The following PCDHGA5 variants were observed in gnomAD, a reference collection of about 807,000 sequenced individuals.
The protein encoded by PCDHGA5 is protocadherin gamma subfamily A, 5, also known as protocadherin gamma-A5.
A neutral mutation model predicts 56.7 loss-of-function variants in PCDHGA5; 36 were observed. That is an observed-to-expected ratio of 0.64 (90% confidence interval 0.49 to 0.84). The LOEUF (loss-of-function observed/expected upper bound fraction) is 0.84, where lower values mean the gene tolerates loss of function less well. Among genes scored for constraint, PCDHGA5 ranks in the 40% least tolerant of loss-of-function variants. The pLI is 0.00. For missense variants in PCDHGA5, 1,305 were observed against 1,201.5 expected (o/e 1.09, Z -1.27); for synonymous variants, 563 against 520.2 (o/e 1.08, Z -1.12).
chr5:141,376,772 C>T lies in PCDHGA5; in HGVS notation c.2421+10021C>T, dbSNP rs911404342. ...CGCAATCTCGGCTCACTGCAAGCTC[C>T]GCTTCCCGGGTTCACGCCATTCTCC... On this transcript the variant is annotated intron_variant, in intron 1 of 3. Transcript: ENST00000518069. The T allele has an allele frequency of 8.2e-5, 34 of 412,628 alleles. 1 individual carries two copies. The highest frequency in any genetic ancestry group is 3.9e-4 in the Admixed American group (9 of 23,202). 25.6% of individuals were successfully genotyped at this position (412,628 alleles called of 1,614,324 possible).
chr5:141,366,830 C>T, intron 1 of PCDHGA5, 79 bp downstream of exon 1: 1 of 1,521,896 alleles, frequency 6.6e-7, no homozygotes, highest in Non-Finnish European at 8.8e-7. Context: ...TATTCAGAAT[C>T]AGCTAGTTAT....
intron 1 of PCDHGA5, chr5:141,384,103 T>A (rs1305926581): frequency 6.2e-7 from 1 of 1,600,344 alleles, no homozygotes; most frequent in Non-Finnish European, 8.5e-7. Flanking sequence ...AGATAATTAT[T>A]ATAGATTGGT....
chr5:141,392,809 CA>C, intron 1 of PCDHGA5: 1 of 1,578,772 alleles, frequency 6.3e-7, no homozygotes, highest in Non-Finnish European at 8.6e-7. Flanking sequence ...TGCAGCAAAA[CA>C]ACAATGGCCG....
At position 141,365,776 on chromosome 5, in the gene PCDHGA5, C is replaced by A. The variant is rs764374830; in HGVS notation, c.1446C>A (p.Gly482=). The A allele has an allele frequency of 6.2e-7, 1 of 1,613,892 alleles. No individual in the cohort carries two copies. Among genetic ancestry groups the A allele is most frequent in the East Asian group, 2.2e-5 (1 of 44,882 alleles). The stretch of plus-strand genomic sequence containing the variant: ...TGACAGCCCATGACCCCGACAGCGG[C>A]GACAACGCTCGAGTCACCTACTCCC... The part of the protein sequence containing the change: ...FSVTAHDPDS[G]DNARVTYSLA... Residue 482 remains glycine, a synonymous_variant, in exon 1 of 4, where the codon GGC becomes GGA. Coordinates refer to ENST00000518069, the MANE Select transcript of PCDHGA5 (RefSeq NM_018918.3).
intron 1 of PCDHGA5, chr5:141,370,500 G>T (rs781752977): frequency 6.2e-7 from 1 of 1,613,922 alleles, no homozygotes; most frequent in Admixed American, 1.7e-5. Flanking sequence ...GATCCGCTAC[G>T]CTATTCCCGA....
Position 141,431,682 on chromosome 5 carries a change from A to C in PCDHGA5, c.2422-63125A>C. The C allele has an allele frequency of 1.2e-6, 2 of 1,614,232 alleles. No homozygotes were observed. Among genetic ancestry groups the C allele is most frequent in the Non-Finnish European group, 1.7e-6 (2 of 1,180,042 alleles). ...ACAATATCAACAATAGGGGAGTTGG[A>C]CCACGAGGAGTCAGGATTCTACCAG... On this transcript the variant is annotated intron_variant, in intron 1 of 3. Transcript: ENST00000518069. The surrounding 1 kb of genome is among the most constrained non-coding windows in gnomAD (Gnocchi z 4.8).
intron 1 of PCDHGA5, chr5:141,389,849 T>C (rs773205213): frequency 6.2e-7 from 1 of 1,614,066 alleles, no homozygotes; most frequent in South Asian, 1.1e-5. Context: ...TCTCGGCCAC[T>C]GCCACGTTGC....
intron 1 of PCDHGA5, among the ~76,000 whole-genome samples, chr5:141,451,073 C>A (rs1346074089): frequency 6.6e-6 from 1 of 151,958 alleles, no homozygotes; most frequent in Non-Finnish European, 1.5e-5. Flanking sequence ...TGTGATCCAC[C>A]CACCTTGACC....
intron 1 of PCDHGA5, chr5:141,400,051 G>A (rs1253013919): frequency 6.2e-7 from 1 of 1,613,762 alleles, no homozygotes; most frequent in East Asian, 2.2e-5. Flanking sequence ...GCTGGTTGCT[G>A]TGCGTGATGG....
chr5:141,427,798 T>A, intron 1 of PCDHGA5: 1 of 1,506,550 alleles, frequency 6.6e-7, no homozygotes. Context: ...TACGTGTCCG[T>A]GAGCGCACAG....
intron 1 of PCDHGA5, among the ~76,000 whole-genome samples, chr5:141,480,895 A>G (rs1275670492): frequency 6.6e-6 from 1 of 152,048 alleles, no homozygotes; most frequent in African/African-American, 2.4e-5. Flanking sequence ...AAATGCAAAC[A>G]TTAGCTGGGC....
In PCDHGA5 at chr5:141,423,579, G is replaced by A. The variant is rs760902886; in HGVS notation, c.2421+56828G>A. 6 of 1,613,378 alleles carry A rather than the reference G, an allele frequency of 3.7e-6. No homozygotes were observed. In the East Asian group the frequency reaches 1.3e-4, roughly 36 times the overall value. ...ATGGGGACACGCTCATCAGCCAGGA[G>A]AGCTGTGAGAAAAGCGAGCCACTCT... On this transcript the variant is annotated intron_variant, in intron 1 of 3. Transcript: ENST00000518069.
At chr5:141,370,230 C>CG (rs1766760577) in intron 1 of PCDHGA5, 1 of 588,024 alleles carries the variant, frequency 1.7e-6, no homozygotes, top group East Asian at 2.9e-5. Flanking sequence ...GCAGCCAGCT[C>CG]GGAAGAAAAG....
chr5:141,448,496 G>A (rs1277705943), intron 1 of PCDHGA5, among the ~76,000 whole-genome samples: 1 of 152,024 alleles, frequency 6.6e-6, no homozygotes, highest in Non-Finnish European at 1.5e-5. Flanking sequence ...GTCCCCTGTA[G>A]GTAAACATTT....
intron 1 of PCDHGA5, chr5:141,440,191 A>G (rs1239698049): frequency 1.3e-5 from 2 of 152,376 alleles, no homozygotes; most frequent in African/African-American, 4.8e-5. Context: ...GTTGAAGGCC[A>G]GGCATGGTGG....
At chr5:141,399,048 G>T (rs779434482) in intron 1 of PCDHGA5, 1 of 1,613,830 alleles carries the variant, frequency 6.2e-7, no homozygotes, top group East Asian at 2.2e-5. Context: ...ATTTTGAAGA[G>T]ACCAAGGAAT....
In PCDHGA5 at chr5:141,477,681, T is replaced by G; in HGVS notation, c.2422-17126T>G. On this transcript the variant is annotated intron_variant, in intron 1 of 3. Transcript: ENST00000518069. This position sits in a 1 kb window ranked among gnomAD's most constrained non-coding sequence, Gnocchi z 4.9. ...CGTGACAATGGCATAGTGTCATCCT[T>G]AGTGCCCCTAGACTATGAGGATCGG... 1 of 1,614,180 alleles carries G rather than the reference T, an allele frequency of 6.2e-7. No individual in the cohort carries two copies. Among genetic ancestry groups the G allele is most frequent in the Non-Finnish European group, 8.5e-7 (1 of 1,180,046 alleles).
At chr5:141,422,618 A>G in intron 1 of PCDHGA5, 3 of 1,613,682 alleles carry the variant, frequency 1.9e-6, no homozygotes, top group Non-Finnish European at 2.5e-6. Flanking sequence ...TACATTCCCG[A>G]AAACAACCCC....
intron 2 of PCDHGA5, among the ~76,000 whole-genome samples, chr5:141,504,563 C>G (rs1036149640): frequency 3.3e-5 from 5 of 149,436 alleles, no homozygotes; most frequent in African/African-American, 1.2e-4. Context: ...GACTGGCATT[C>G]TAGGGAACAC....
Sources: allele counts gnomAD v4.1 joint callset (sites outside exome capture counted in the v4.1 genomes callset), GRCh38; gene constraint gnomAD v4.1.1; non-coding constraint Gnocchi (gnomAD v3.1); transcripts MANE v1.5; gene names NCBI Gene and HGNC (gene_info 2026-07-23, HGNC 2026-07-21).